The following RPS6KA2 variants were observed in gnomAD, a reference collection of about 807,000 sequenced individuals.
RPS6KA2 encodes the protein ribosomal protein S6 kinase A2.
RPS6KA2 carries 42 observed loss-of-function variants against 91.8 expected under a neutral mutation model. The ratio of observed to expected loss-of-function variants is 0.46; its 90% CI spans 0.36 to 0.59. RPS6KA2 has a LOEUF of 0.59. Ranked by LOEUF, RPS6KA2 falls within the 20% of genes least tolerant of loss-of-function variation. The pLI is 0.00. For synonymous variants in RPS6KA2, 414 were observed against 393.6 expected (o/e 1.05, Z -0.61); for missense variants, 798 against 978.5 (o/e 0.82, Z 2.46).
intron 13 of RPS6KA2, among the ~76,000 whole-genome samples, chr6:166,450,836 T>C (rs930489278): frequency 2.6e-5 from 4 of 151,266 alleles, no homozygotes; most frequent in Admixed American, 1.3e-4. Context: ...GAGACCACCA[T>C]GGGGGCCCAC....
intron 1 of RPS6KA2, among the ~76,000 whole-genome samples, chr6:166,616,259 C>A (rs139165564): frequency 6.6e-6 from 1 of 152,188 alleles, no homozygotes; most frequent in Non-Finnish European, 1.5e-5. Context: ...CCATTGGTGA[C>A]CTTGCCAAAG....
chr6:166,789,034 C>T (rs1001260062), intron 2 of RPS6KA2, among the ~76,000 whole-genome samples: 4 of 152,060 alleles, frequency 2.6e-5, no homozygotes, highest in Non-Finnish European at 5.9e-5. Context: ...TGCAGCATAC[C>T]GTGCGCGAGC....
chr6:166,483,775 T>C (rs1439556483), intron 10 of RPS6KA2, among the ~76,000 whole-genome samples: 2 of 152,210 alleles, frequency 1.3e-5, no homozygotes, highest in African/African-American at 4.8e-5. Context: ...TAGAGCCGAC[T>C]CCTGCACACA....
chr6:166,708,508 T>G (rs544479472), intron 2 of RPS6KA2, among the ~76,000 whole-genome samples: 1 of 152,342 alleles, frequency 6.6e-6, no homozygotes, highest in Admixed American at 6.5e-5. Flanking sequence ...TTTAGGATGT[T>G]AAAAATAATT....
At chr6:166,637,692 G>A (rs1787292764) in intron 2 of RPS6KA2, among the ~76,000 whole-genome samples, 1 of 152,268 alleles carries the variant, frequency 6.6e-6, no homozygotes, top group African/African-American at 2.4e-5. Context: ...CACTGGAGAA[G>A]GGGGCGTTTG....
In RPS6KA2 at chr6:166,855,468, G is replaced by A. The variant is rs371700550; in HGVS notation, c.123+2732C>T. Reference sequence around the variant, plus strand: ...AAGAAGAGGAAGAAGAAGAGGAAGAGGAAGAGGAAGAAGAAGAAGAGGAAG... The same window carrying A: ...AAGAAGAGGAAGAAGAAGAGGAAGAAGAAGAGGAAGAAGAAGAAGAGGAAG... On this transcript the variant is annotated intron_variant, in intron 2 of 21. Transcript: ENST00000503859. Among the ~76,000 whole-genome samples the A allele has an allele frequency of 2.5e-4, 30 of 120,166 alleles. No individual in the cohort carries two copies. In the East Asian group the frequency reaches 4.1e-3, roughly 17 times the overall value. 78.8% of individuals were successfully genotyped at this position (120,166 alleles called of 152,430 possible). A position where few individuals can be genotyped will look rare whatever the true frequency, so the allele number is the denominator to read the frequency against.
At position 166,810,604 on chromosome 6, in the gene RPS6KA2, T is replaced by C. The variant is rs1159042371; in HGVS notation, c.123+47596A>G. Among the ~76,000 whole-genome samples the C allele has an allele frequency of 2.6e-5, 4 of 152,336 alleles. No homozygotes were observed. In the East Asian group the frequency reaches 7.7e-4, roughly 29 times the overall value. ...ACCTCCTATGATCAGGCTTTGTAAG[T>C]TGCCTTTGTGGGTCGAGGCTGTCTT... On this transcript the variant is annotated intron_variant, in intron 2 of 21. Transcript: ENST00000503859.
At chr6:166,485,603 G>A (rs1461538454) in intron 10 of RPS6KA2, among the ~76,000 whole-genome samples, 3 of 152,134 alleles carry the variant, frequency 2.0e-5, no homozygotes, top group African/African-American at 7.2e-5. Context: ...GGACAAACCA[G>A]GGCACCGCGA....
chr6:166,462,301 C>T (rs553031221), intron 11 of RPS6KA2, among the ~76,000 whole-genome samples: 3 of 152,246 alleles, frequency 2.0e-5, no homozygotes, highest in Non-Finnish European at 2.9e-5. Flanking sequence ...TGGCTTCCTA[C>T]AGGCCACATC....
chr6:166,450,921 C>G (rs1000370145), intron 13 of RPS6KA2, among the ~76,000 whole-genome samples, 182 bp downstream of exon 13: 1 of 151,404 alleles, frequency 6.6e-6, no homozygotes, highest in Non-Finnish European at 1.5e-5. Context: ...TGGGGGATAA[C>G]CACGAGGGAC....
chr6:166,771,391 C>T (rs949912391), intron 2 of RPS6KA2, among the ~76,000 whole-genome samples: 3 of 152,182 alleles, frequency 2.0e-5, no homozygotes, highest in Non-Finnish European at 2.9e-5. Flanking sequence ...AAATTCCAAT[C>T]GTGCTTGGTC....
At chr6:166,616,295 C>G (rs1182355107) in intron 1 of RPS6KA2, among the ~76,000 whole-genome samples, 1 of 152,186 alleles carries the variant, frequency 6.6e-6, no homozygotes, top group Non-Finnish European at 1.5e-5. Flanking sequence ...ATAGCAGAGC[C>G]AGAATTCACA....
intron 1 of RPS6KA2, among the ~76,000 whole-genome samples, chr6:166,615,460 T>G (rs1489746885): frequency 6.6e-6 from 1 of 152,166 alleles, no homozygotes; most frequent in African/African-American, 2.4e-5. Flanking sequence ...TCGGAGGGGA[T>G]GCCTTTTTCT....
At position 166,459,402 on chromosome 6, in the gene RPS6KA2, G is replaced by C. The variant is rs1472741019; in HGVS notation, c.1075+47C>G. ...GTTCCTAGATATCTGTCTCTAAGGGGTCAGGTGGGAGAAGCCACCGATAGA... is the reference window on the plus strand; with the variant it reads ...GTTCCTAGATATCTGTCTCTAAGGGCTCAGGTGGGAGAAGCCACCGATAGA... On this transcript the variant is annotated intron_variant, in intron 12 of 20. Coordinates refer to ENST00000265678, the MANE Select transcript of RPS6KA2 (RefSeq NM_021135.6). This position sits in a 1 kb window ranked among gnomAD's most constrained non-coding sequence, Gnocchi z 4.9. 4 of 1,176,414 alleles carry C rather than the reference G, an allele frequency of 3.4e-6. No homozygotes were observed. The highest frequency in any genetic ancestry group is 5.1e-6 in the Non-Finnish European group (4 of 788,366). The allele number at this position is 1,176,414 out of a possible 1,614,324, so 72.9% of individuals were successfully genotyped here.
intron 3 of RPS6KA2, among the ~76,000 whole-genome samples, chr6:166,520,556 C>A (rs1044044703): frequency 3.3e-5 from 5 of 152,148 alleles, no homozygotes; most frequent in African/African-American, 1.2e-4. Flanking sequence ...TCTGGAAAAT[C>A]CTGAATAATA....
intron 17 of RPS6KA2, among the ~76,000 whole-genome samples, chr6:166,421,252 G>A (rs544597312): frequency 4.7e-4 from 72 of 152,292 alleles, no homozygotes; most frequent in African/African-American, 1.6e-3. Context: ...TGGTAAAAGT[G>A]CTTTGTAAAT....
At chr6:166,775,095 G>A (rs1168161661) in intron 2 of RPS6KA2, among the ~76,000 whole-genome samples, 3 of 152,144 alleles carry the variant, frequency 2.0e-5, no homozygotes, top group Admixed American at 1.3e-4. Context: ...CCAATTTTAC[G>A]ATTTTACCAT....
At chr6:166,480,798 C>A (rs1267107131) in intron 10 of RPS6KA2, among the ~76,000 whole-genome samples, 1 of 151,952 alleles carries the variant, frequency 6.6e-6, no homozygotes, top group East Asian at 1.9e-4. Flanking sequence ...TACAGGCGTA[C>A]ACCACCACTC....
At chr6:166,581,352 C>A (rs562931682) in intron 1 of RPS6KA2, among the ~76,000 whole-genome samples, 2 of 152,174 alleles carry the variant, frequency 1.3e-5, no homozygotes, top group South Asian at 2.1e-4. Flanking sequence ...TGGGCTCCAG[C>A]GCCTTCTGGG....
Sources: gnomAD v4.1 joint callset for allele counts (sites outside exome capture counted in the v4.1 genomes callset) on GRCh38, gnomAD v4.1.1 for gene constraint, Gnocchi (gnomAD v3.1) non-coding constraint, MANE v1.5 for transcripts, NCBI Gene and HGNC (gene_info 2026-07-23, HGNC 2026-07-21) for gene names.